Variants in SRRT observed in about 807,000 individuals in gnomAD.
SRRT encodes the protein serrate RNA effector molecule homolog.
A neutral mutation model predicts 103.2 loss-of-function variants in SRRT; 32 were observed. That is an observed-to-expected ratio of 0.31 (90% CI 0.23 to 0.42). The LOEUF is 0.42. Among genes scored for constraint, SRRT ranks in the 10% least tolerant of loss-of-function variants. The pLI, the probability that SRRT is intolerant of heterozygous loss-of-function variation, is 1.00. For missense variants in SRRT, 986 were observed against 1,207.5 expected, an observed-to-expected ratio of 0.82 and a Z score of 2.72; for synonymous variants, 525 against 449.0, an observed-to-expected ratio of 1.17 and a Z score of -2.14.
rs778273597 is a variant in SRRT at position 100,888,563 on chromosome 7, C to T, written c.*14C>T. 6 of 1,614,002 alleles carry T rather than the reference C, an allele frequency of 3.7e-6. No individual in the cohort carries two copies. The highest frequency in any genetic ancestry group is 1.3e-5 in the African/African-American group (1 of 74,924). Reference sequence around the variant, plus strand: ...GATTTCTTTTGAGCCGTCCCCCGTTCCTCAGTCCTGTATCATCCATACTTG... The same window carrying T: ...GATTTCTTTTGAGCCGTCCCCCGTTTCTCAGTCCTGTATCATCCATACTTG... On this transcript the variant is annotated 3_prime_UTR_variant, in exon 20 of 20. Coordinates refer to ENST00000611405, the MANE Select transcript of SRRT (RefSeq NM_015908.6).
chr7:100,887,686 C>G lies in SRRT; in HGVS notation c.2170-17C>G, dbSNP rs375622263. The G allele has an allele frequency of 6.2e-7, 1 of 1,601,196 alleles. No individual in the cohort carries two copies. The highest frequency in any genetic ancestry group is 8.6e-7 in the Non-Finnish European group (1 of 1,169,386). ...CCCTTATGTGGCTGTCCTGACCCCT[C>G]TCCTCTCTCCACCCAGGGTCCTGAG... On this transcript the variant is annotated splice_polypyrimidine_tract_variant and intron_variant, in intron 16 of 19. Coordinates refer to ENST00000611405, the MANE Select transcript of SRRT (RefSeq NM_015908.6). The surrounding 1 kb of genome is among the most constrained non-coding windows in gnomAD (Gnocchi z 4.1).
rs1308663486 is a variant in SRRT, at chr7:100,885,871, G to A, written c.1388G>A (p.Arg463His). The change falls in exon 12 of 20, where the codon CGT (arginine) becomes CAT (histidine). Residue 463 changes from arginine to histidine, a missense_variant. Around this residue, in one of 6 missense-constraint regions of SRRT, gnomAD observed 349 missense variants for 446.9 expected, o/e 0.78. Coordinates refer to ENST00000611405, the MANE Select transcript of SRRT (RefSeq NM_015908.6). This position sits in a 1 kb window ranked among gnomAD's most constrained non-coding sequence, Gnocchi z 4.8. ...TTTTCTTTCTTGTGTAGGTTTTTCCGTCGTGGCTGGGTGACCTTCGACCGC... is the reference window on the plus strand; with the variant it reads ...TTTTCTTTCTTGTGTAGGTTTTTCCATCGTGGCTGGGTGACCTTCGACCGC... Reference protein sequence around the residue: ...SEPQPERRFFRRGWVTFDRSV... With the variant: ...SEPQPERRFFHRGWVTFDRSV... 6.2e-7 allele frequency: 1 copy of A among 1,614,082 alleles called. No homozygotes were observed. The highest frequency in any genetic ancestry group is 8.5e-7 in the Non-Finnish European group (1 of 1,180,026).
chr7:100,888,246 C>T lies in SRRT; in HGVS notation c.2429-11C>T, dbSNP rs776730102. The stretch of plus-strand genomic sequence containing the variant: ...CATAGTTTTGCAACTCAACACTGAT[C>T]TCTGTCATAGCTGGTGCTGTCCGCC... On this transcript the variant is annotated splice_polypyrimidine_tract_variant and intron_variant, in intron 18 of 19. Transcript: ENST00000611405. The T allele has an allele frequency of 3.1e-5, 49 of 1,605,270 alleles. No homozygotes were observed. The highest frequency in any genetic ancestry group is 5.1e-5 in the Admixed American group (3 of 59,042).
intron 1 of SRRT, 108 bp downstream of exon 1, chr7:100,875,436 G>T (rs776378272): frequency 5.4e-6 from 8 of 1,476,218 alleles, no homozygotes; most frequent in Non-Finnish European, 6.3e-6. Context: ...TTGGAGCCGC[G>T]TTCTCAGGCC....
intron 2 of SRRT, among the ~76,000 whole-genome samples, chr7:100,880,222 C>T (rs1033096146): frequency 3.9e-5 from 6 of 152,278 alleles, no homozygotes; most frequent in African/African-American, 9.6e-5. Flanking sequence ...GATGCTGTTC[C>T]GTTGATACAG....
Position 100,888,626 on chromosome 7 carries a change from A to T in SRRT, c.*77A>T. 6.3e-7 allele frequency: 1 copy of T among 1,581,062 alleles called. No homozygotes were observed. The highest frequency in any genetic ancestry group is 8.7e-7 in the Non-Finnish European group (1 of 1,150,576). ...CTATGAAGCTCTGAGAATTTTTTGT[A>T]CGATCAGCCTTACTGCTAATAAAAG... On this transcript the variant is annotated 3_prime_UTR_variant, in exon 20 of 20. Coordinates refer to ENST00000611405, the MANE Select transcript of SRRT (RefSeq NM_015908.6).
Position 100,875,717 on chromosome 7 carries a change from G to C in SRRT, c.122+5G>C, listed in dbSNP as rs1415203658. On this transcript the variant is annotated splice_donor_5th_base_variant and intron_variant, in intron 2 of 19. Transcript: ENST00000611405. ...AGGGGACGATTGGAATGACAGGTGA[G>C]CCGTTTTTAACTTCATCTTGTCCCC... The C allele has an allele frequency of 1.2e-6, 2 of 1,613,624 alleles. No homozygotes were observed. Among genetic ancestry groups the C allele is most frequent in the African/African-American group, 2.7e-5 (2 of 74,928 alleles).
In SRRT at chr7:100,882,258, C is replaced by A; in HGVS notation, c.587+17C>A. ...TGAGGAGTGGTGAGTGCCCCTACTT[C>A]CCTGGACCTCTGCCCTGGCATGTCC... On this transcript the variant is annotated intron_variant, in intron 5 of 19. Coordinates refer to ENST00000611405, the MANE Select transcript of SRRT (RefSeq NM_015908.6). The surrounding 1 kb of genome is among the most constrained non-coding windows in gnomAD (Gnocchi z 4.2). 6.2e-7 allele frequency: 1 copy of A among 1,611,290 alleles called. No individual in the cohort carries two copies. Among genetic ancestry groups the A allele is most frequent in the Non-Finnish European group, 8.5e-7 (1 of 1,178,192 alleles).
Position 100,887,695 on chromosome 7 carries a change from C to A in SRRT, c.2170-8C>A. ...GGCTGTCCTGACCCCTCTCCTCTCT[C>A]CACCCAGGGTCCTGAGTTTGTGCGC... On this transcript the variant is annotated splice_region_variant and splice_polypyrimidine_tract_variant and intron_variant, in intron 16 of 19. Transcript: ENST00000611405. This position sits in a 1 kb window ranked among gnomAD's most constrained non-coding sequence, Gnocchi z 4.1. 6.2e-7 allele frequency: 1 copy of A among 1,602,778 alleles called. No homozygotes were observed. Among genetic ancestry groups the A allele is most frequent in the Non-Finnish European group, 8.5e-7 (1 of 1,170,482 alleles).
chr7:100,875,261 C>T lies in SRRT; in HGVS notation c.-86C>T. 1.7e-6 allele frequency: 1 copy of T among 574,328 alleles called. No homozygotes were observed. Among genetic ancestry groups the T allele is most frequent in the Non-Finnish European group, 2.4e-6 (1 of 410,828 alleles). 35.6% of individuals were successfully genotyped at this position (574,328 alleles called of 1,614,324 possible). ...CCTCCTCGAAGTCCTCGTCGCGCGC[C>T]CGCGACCCAGGTCGCCCTGAAATCT... On this transcript the variant is annotated 5_prime_UTR_variant, in exon 1 of 20. Transcript: ENST00000611405.
rs1382741172 is a variant in SRRT, at chr7:100,888,090, C to T, written c.2375C>T (p.Pro792Leu). 1 of 1,608,740 alleles carries T rather than the reference C, an allele frequency of 6.2e-7. No individual in the cohort carries two copies. Among genetic ancestry groups the T allele is most frequent in the African/African-American group, 1.3e-5 (1 of 74,718 alleles). The change falls in exon 18 of 20, where the codon CCC (proline) becomes CTC (leucine). Residue 792 changes from proline (P) to leucine (L), a missense_variant. Around this residue, in one of 6 missense-constraint regions of SRRT, gnomAD observed 178 missense variants for 189.6 expected, o/e 0.94. Transcript: ENST00000611405. ...TPGLPYPHQT[P>L]QGLMPYGQPR... Reference sequence around the variant, plus strand: ...GGACTCCCCTACCCACACCAGACTCCCCAGGGCCTGATGCCCTATGGTCAG... The same window carrying T: ...GGACTCCCCTACCCACACCAGACTCTCCAGGGCCTGATGCCCTATGGTCAG...
chr7:100,885,391 T>C lies in SRRT; in HGVS notation c.1317+21T>C. 6.2e-7 allele frequency: 1 copy of C among 1,607,740 alleles called. No individual in the cohort carries two copies. The highest frequency in any genetic ancestry group is 8.5e-7 in the Non-Finnish European group (1 of 1,175,816). ...TCTCCGTGAGTGGGGACCCGTGGAG[T>C]CAGGGCAGGGCTGATGGAGAAGTGG... On this transcript the variant is annotated intron_variant, in intron 10 of 19. Coordinates refer to ENST00000611405, the MANE Select transcript of SRRT (RefSeq NM_015908.6). This position sits in a 1 kb window ranked among gnomAD's most constrained non-coding sequence, Gnocchi z 4.8.
In SRRT at chr7:100,888,578, A is replaced by T; in HGVS notation, c.*29A>T. On this transcript the variant is annotated 3_prime_UTR_variant, in exon 20 of 20. Transcript: ENST00000611405. ...GTCCCCCGTTCCTCAGTCCTGTATC[A>T]TCCATACTTGTACTACCTTGTCCTA... is the stretch of plus-strand genomic sequence containing the variant. 6.2e-7 allele frequency: 1 copy of T among 1,613,542 alleles called. No homozygotes were observed. Among genetic ancestry groups the T allele is most frequent in the Non-Finnish European group, 8.5e-7 (1 of 1,179,468 alleles).
At chr7:100,879,089 G>A (rs931588880) in intron 2 of SRRT, among the ~76,000 whole-genome samples, 2 of 152,076 alleles carry the variant, frequency 1.3e-5, no homozygotes. Flanking sequence ...CCGAGTAGTT[G>A]GGATTACAGG....
In SRRT at chr7:100,888,554, TC is replaced by T; in HGVS notation, c.*10del. ...GACGATGTTGATTTCTTTTGAGCCG[TC>T]CCCCGTTCCTCAGTCCTGTATCATC... On this transcript the variant is annotated 3_prime_UTR_variant, in exon 20 of 20. Transcript: ENST00000611405. 1 of 1,613,996 alleles carries T rather than the reference TC, an allele frequency of 6.2e-7. No homozygotes were observed. The highest frequency in any genetic ancestry group is 1.1e-5 in the South Asian group (1 of 91,070).
Position 100,888,470 on chromosome 7 carries a change from A to G in SRRT, c.2556-4A>G. On this transcript the variant is annotated splice_polypyrimidine_tract_variant and splice_region_variant and intron_variant, in intron 19 of 19. Coordinates refer to ENST00000611405, the MANE Select transcript of SRRT (RefSeq NM_015908.6). ...GCTCTCATCCTGTACCTCTCACCTCACAGGATGGTTCGTGGAGACCCAAGG... is the reference window on the plus strand; with the variant it reads ...GCTCTCATCCTGTACCTCTCACCTCGCAGGATGGTTCGTGGAGACCCAAGG... 4.3e-6 allele frequency: 7 copies of G among 1,613,976 alleles called. No individual in the cohort carries two copies. Among genetic ancestry groups the G allele is most frequent in the Non-Finnish European group, 5.9e-6 (7 of 1,179,946 alleles).
Position 100,884,529 on chromosome 7 carries a change from GAGA to G in SRRT, c.925_927del (p.Lys309del), listed in dbSNP as rs768457440. The G allele has an allele frequency of 1.3e-5, 20 of 1,571,180 alleles. No homozygotes were observed. The highest frequency in any genetic ancestry group is 2.5e-5 in the East Asian group (1 of 40,454). ...GGAGCGCAAAACCAACGACAAGGAT[GAGA>G]AGAAGGAAGACGGCAAGCAGGTCCG... On this transcript the variant is annotated inframe_deletion, in exon 7 of 20. Coordinates refer to ENST00000611405, the MANE Select transcript of SRRT (RefSeq NM_015908.6).
At position 100,888,609 on chromosome 7, in the gene SRRT, C is replaced by T. The variant is rs1433056439; in HGVS notation, c.*60C>T. Reference sequence around the variant, plus strand: ...ACTTGTACTACCTTGTCCTATGAAGCTCTGAGAATTTTTTGTACGATCAGC... The same window carrying T: ...ACTTGTACTACCTTGTCCTATGAAGTTCTGAGAATTTTTTGTACGATCAGC... On this transcript the variant is annotated 3_prime_UTR_variant, in exon 20 of 20. Coordinates refer to ENST00000611405, the MANE Select transcript of SRRT (RefSeq NM_015908.6). The T allele has an allele frequency of 3.7e-6, 6 of 1,605,974 alleles. No individual in the cohort carries two copies. The highest frequency in any genetic ancestry group is 2.2e-5 in the South Asian group (2 of 90,870).
At chr7:100,881,084 C>CT (rs1816261690) in intron 2 of SRRT, among the ~76,000 whole-genome samples, 1 of 122,344 alleles carries the variant, frequency 8.2e-6, no homozygotes, top group African/African-American at 3.2e-5. Flanking sequence ...CCAGCTGTAT[C>CT]TTTAATTATT....
Sources: allele counts gnomAD v4.1 joint callset (sites outside exome capture counted in the v4.1 genomes callset), GRCh38; gene constraint gnomAD v4.1.1; regional missense constraint gnomAD v4.1.1; non-coding constraint Gnocchi (gnomAD v3.1); transcripts MANE v1.5; gene names NCBI Gene and HGNC (gene_info 2026-07-23, HGNC 2026-07-21).